The following MTUS1 variants were observed in gnomAD, a reference collection of about 807,000 sequenced individuals.
The protein encoded by MTUS1 is microtubule-associated tumor suppressor 1.
In MTUS1, 109 loss-of-function variants were observed where a neutral mutation model predicts 120.8. The observed-to-expected ratio is 0.90, with a 90% CI of 0.77 to 1.06. The LOEUF (loss-of-function observed/expected upper bound fraction) is 1.06. Ranked by LOEUF, MTUS1 falls within the 50% of genes least tolerant of loss-of-function variation. MTUS1 has a pLI of 0.00. For synonymous variants in MTUS1, 737 were observed against 550.5 expected, an observed-to-expected ratio of 1.34 and a Z score of -4.74; for missense variants, 2,210 against 1,486.3, an observed-to-expected ratio of 1.49 and a Z score of -8.01.
chr8:17,676,536 C>T (rs1471826596), intron 7 of MTUS1: 1 of 575,944 alleles, frequency 1.7e-6, no homozygotes, highest in Non-Finnish European at 3.1e-6. Context: ...GCAGCTTCTG[C>T]CTTTGGCACA....
At chr8:17,697,416 A>T in intron 6 of MTUS1, 4 of 1,611,792 alleles carry the variant, frequency 2.5e-6, no homozygotes, top group Non-Finnish European at 3.4e-6. Context: ...AGAAGAGGCA[A>T]TTTCCATGGA....
rs191340819 is a variant in MTUS1 at position 17,799,199 on chromosome 8, A to C, written c.-155+1862T>G. 2.5e-3 allele frequency among the ~76,000 whole-genome samples: 379 copies of C among 152,274 alleles called. 3 individuals are homozygous for C. Among genetic ancestry groups the C allele is most frequent in the Non-Finnish European group, 3.8e-3 (257 of 68,018 alleles). On this transcript the variant is annotated intron_variant, in intron 1 of 14. Coordinates refer to ENST00000693296, the MANE Select transcript of MTUS1 (RefSeq NM_001363059.2). Reference sequence around the variant, plus strand: ...TATTTCAAGGGCACTAAGGATATTAACCCTGCACATAAAGTTTTAAAAACG... The same window carrying C: ...TATTTCAAGGGCACTAAGGATATTACCCCTGCACATAAAGTTTTAAAAACG...
chr8:17,736,912 T>C (rs1232248933), intron 3 of MTUS1, among the ~76,000 whole-genome samples: 1 of 152,110 alleles, frequency 6.6e-6, no homozygotes, highest in Non-Finnish European at 1.5e-5. Flanking sequence ...GGATTCATCA[T>C]CATGAATCCA....
At chr8:17,792,134 A>G (rs1433158952) in intron 1 of MTUS1, among the ~76,000 whole-genome samples, 1 of 152,198 alleles carries the variant, frequency 6.6e-6, no homozygotes, top group Non-Finnish European at 1.5e-5. Context: ...ATTCTATAAT[A>G]AAGTATGTCC....
intron 3 of MTUS1, among the ~76,000 whole-genome samples, chr8:17,741,597 T>C (rs1206159722): frequency 6.6e-6 from 1 of 152,244 alleles, no homozygotes; most frequent in African/African-American, 2.4e-5. Context: ...AGACACATTA[T>C]GCAACACAGA....
chr8:17,775,756 G>A (rs995982731), intron 1 of MTUS1, among the ~76,000 whole-genome samples: 13 of 152,190 alleles, frequency 8.5e-5, no homozygotes, highest in African/African-American at 3.1e-4. Flanking sequence ...TGGCCACCAG[G>A]CACTGGGCAA....
chr8:17,751,387 C>T (rs17125240), intron 2 of MTUS1, among the ~76,000 whole-genome samples: 9 of 151,968 alleles, frequency 5.9e-5, no homozygotes, highest in African/African-American at 4.8e-5. Flanking sequence ...AGTGACCAAC[C>T]GACATTCATG....
At chr8:17,789,531 T>A (rs2051595293) in intron 1 of MTUS1, among the ~76,000 whole-genome samples, 1 of 152,124 alleles carries the variant, frequency 6.6e-6, no homozygotes, top group East Asian at 1.9e-4. Flanking sequence ...CTCTCCAAAG[T>A]CCACTTGGTG....
intron 3 of MTUS1, among the ~76,000 whole-genome samples, chr8:17,732,567 C>G (rs2131185474): frequency 1.3e-5 from 2 of 152,256 alleles, no homozygotes; most frequent in South Asian, 4.2e-4. Flanking sequence ...GTGCTGAATC[C>G]TAAATTTATA....
intron 1 of MTUS1, among the ~76,000 whole-genome samples, chr8:17,779,778 G>C (rs917833015): frequency 6.6e-6 from 1 of 152,212 alleles, no homozygotes; most frequent in Non-Finnish European, 1.5e-5. Context: ...CAACATCCAA[G>C]TGTTGGAGGG....
chr8:17,656,300 G>T (rs1357923141), intron 8 of MTUS1, among the ~76,000 whole-genome samples: 4 of 152,008 alleles, frequency 2.6e-5, no homozygotes, highest in Non-Finnish European at 5.9e-5. Flanking sequence ...GGCTGAGGTG[G>T]GGGAATCACC....
At chr8:17,739,319 C>T (rs1563296830) in intron 3 of MTUS1, among the ~76,000 whole-genome samples, 1 of 151,618 alleles carries the variant, frequency 6.6e-6, no homozygotes, top group Non-Finnish European at 1.5e-5. Flanking sequence ...CATGGAGAAA[C>T]CCTATCTCTA....
At chr8:17,739,292 G>A (rs1251072758) in intron 3 of MTUS1, among the ~76,000 whole-genome samples, 2 of 151,896 alleles carry the variant, frequency 1.3e-5, no homozygotes, top group Non-Finnish European at 2.9e-5. Flanking sequence ...TCGGGAGTTG[G>A]AGACCAGCCT....
At chr8:17,800,120 T>TA (rs2052562282) in intron 1 of MTUS1, among the ~76,000 whole-genome samples, 1 of 152,166 alleles carries the variant, frequency 6.6e-6, no homozygotes, top group Admixed American at 6.5e-5. Context: ...TGTTATCTTG[T>TA]ATATACCCTC....
chr8:17,754,210 C>G lies in MTUS1; in HGVS notation c.1598G>C (p.Arg533Thr). ...KDAALSKVTP[R>T]PQQTSASSPS... Reference sequence around the variant, plus strand: ...TGATGAGGCACTGGTCTGCTGAGGTCTGGGCGTGACCTTTGATAAAGCAGC... The same window carrying G: ...TGATGAGGCACTGGTCTGCTGAGGTGTGGGCGTGACCTTTGATAAAGCAGC... Residue 533 changes from arginine to threonine, a missense_variant, in exon 2 of 15, where the codon AGA becomes ACA. Physicochemically the swap from Arg to Thr is moderately conservative, Grantham distance 71. Transcript: ENST00000693296. 1 of 1,614,046 alleles carries G rather than the reference C, an allele frequency of 6.2e-7. No individual in the cohort carries two copies. The highest frequency in any genetic ancestry group is 8.5e-7 in the Non-Finnish European group (1 of 1,180,024).
intron 2 of MTUS1, among the ~76,000 whole-genome samples, chr8:17,746,792 C>A (rs1372476045): frequency 6.6e-6 from 1 of 152,138 alleles, no homozygotes; most frequent in African/African-American, 2.4e-5. Context: ...ATTCACTTAA[C>A]CCTCATAATA....
In MTUS1 at chr8:17,723,850, A is replaced by G. The variant is rs2046012372; in HGVS notation, c.2288-17T>C. On this transcript the variant is annotated splice_polypyrimidine_tract_variant and intron_variant, in intron 3 of 14. Transcript: ENST00000693296. The stretch of plus-strand genomic sequence containing the variant: ...TAGGCTTTCCTTGGGGTTTAAAAAA[A>G]ACAAAAAGTTTCCAGTGCTATTCAT... 1.3e-6 allele frequency: 2 copies of G among 1,536,570 alleles called. No individual in the cohort carries two copies. Among genetic ancestry groups the G allele is most frequent in the African/African-American group, 1.4e-5 (1 of 72,092 alleles).
chr8:17,785,739 A>C (rs2051249862), intron 1 of MTUS1, among the ~76,000 whole-genome samples: 1 of 152,212 alleles, frequency 6.6e-6, no homozygotes, highest in Admixed American at 6.5e-5. Flanking sequence ...CCTCTGATCT[A>C]GATGACAAAG....
At position 17,751,793 on chromosome 8, in the gene MTUS1, G is replaced by A. The variant is rs368509730; in HGVS notation, c.2091+1924C>T. 7.5e-4 allele frequency among the ~76,000 whole-genome samples: 113 copies of A among 150,322 alleles called. 2 individuals carry two copies. In the South Asian group the frequency reaches 0.014, roughly 19 times the overall value. On this transcript the variant is annotated intron_variant, in intron 2 of 14. Coordinates refer to ENST00000693296, the MANE Select transcript of MTUS1 (RefSeq NM_001363059.2). ...GAATTGCTTGAACCTGGGAGGCGGA[G>A]GTTGCAGTGAGCCGAGATCTTGCCA...
Sources: allele counts gnomAD v4.1 joint callset (sites outside exome capture counted in the v4.1 genomes callset), GRCh38; gene constraint gnomAD v4.1.1; transcripts MANE v1.5; gene names NCBI Gene and HGNC (gene_info 2026-07-23, HGNC 2026-07-21).